Variants in DNAH7 observed in about 807,000 individuals in gnomAD.
The protein encoded by DNAH7 is axonemal beta dynein heavy chain 7.
In DNAH7, 397 loss-of-function variants were observed where a neutral mutation model predicts 444.6. The ratio of observed to expected loss-of-function variants is 0.89; its 90% CI spans 0.82 to 0.97. DNAH7 has a LOEUF of 0.97. Among genes scored for constraint, DNAH7 ranks in the 50% least tolerant of loss-of-function variants. The probability of loss-of-function intolerance (pLI) is 0.00; values close to 1 mark genes in which losing one functional copy is unlikely to be tolerated. For synonymous variants in DNAH7, 1,636 were observed against 1,624.4 expected (o/e 1.01, Z -0.17); for missense variants, 4,902 against 4,800.8 (o/e 1.02, Z -0.62).
intron 2 of DNAH7, among the ~76,000 whole-genome samples, chr2:196,056,195 A>G (rs1397359411): frequency 6.6e-6 from 1 of 152,166 alleles, no homozygotes; most frequent in African/African-American, 2.4e-5. Flanking sequence ...CTGTAATCCC[A>G]GCACTTTGGG....
chr2:195,822,548 T>C (rs73062481), intron 49 of DNAH7, among the ~76,000 whole-genome samples: 4,448 of 152,286 alleles, frequency 0.029, 209 homozygotes, highest in African/African-American at 0.1. Context: ...AGTATTATAA[T>C]TTGTAAATGA....
Position 195,907,013 on chromosome 2 carries a change from T to A in DNAH7, c.4105-4A>T, listed in dbSNP as rs932574410. ...AGGCTCCACAAGATAACAGTCCCTA[T>A]GAGAAAAGAGTAATGAAAATTTTTG... On this transcript the variant is annotated splice_polypyrimidine_tract_variant and splice_region_variant and intron_variant, in intron 25 of 64. Coordinates refer to ENST00000312428, the MANE Select transcript of DNAH7 (RefSeq NM_018897.3). 3 of 1,606,406 alleles carry A rather than the reference T, an allele frequency of 1.9e-6. No homozygotes were observed. The highest frequency in any genetic ancestry group is 2.5e-6 in the Non-Finnish European group (3 of 1,176,958).
chr2:195,739,311 T>C (rs1405734507), intron 64 of DNAH7, among the ~76,000 whole-genome samples: 2 of 152,224 alleles, frequency 1.3e-5, no homozygotes, highest in Non-Finnish European at 2.9e-5. Context: ...TGGCTGTCAG[T>C]TGACCCCTCA....
At chr2:196,041,226 A>G (rs1696738846) in intron 5 of DNAH7, among the ~76,000 whole-genome samples, 1 of 152,050 alleles carries the variant, frequency 6.6e-6, no homozygotes, top group Non-Finnish European at 1.5e-5. Context: ...TGGAACCACA[A>G]AAGACCCCAA....
intron 10 of DNAH7, among the ~76,000 whole-genome samples, chr2:196,009,928 T>C (rs1694626017): frequency 6.6e-6 from 1 of 152,170 alleles, no homozygotes; most frequent in Admixed American, 6.5e-5. Flanking sequence ...TTCCTATTCA[T>C]CACGGAAATG....
At chr2:196,044,178 T>C (rs1696947349) in intron 5 of DNAH7, among the ~76,000 whole-genome samples, 1 of 146,698 alleles carries the variant, frequency 6.8e-6, no homozygotes, top group Admixed American at 6.9e-5. Flanking sequence ...AATGAGTGGA[T>C]AAAAAAATGT....
chr2:196,043,348 T>C (rs1043655779), intron 5 of DNAH7, among the ~76,000 whole-genome samples: 4 of 152,048 alleles, frequency 2.6e-5, no homozygotes, highest in African/African-American at 4.8e-5. Context: ...TAAAGTCACA[T>C]AGGGTTCTCG....
At chr2:195,942,907 G>A (rs1043869021) in intron 19 of DNAH7, among the ~76,000 whole-genome samples, 1 of 152,078 alleles carries the variant, frequency 6.6e-6, no homozygotes, top group Non-Finnish European at 1.5e-5. Flanking sequence ...ATGGTTTGTT[G>A]TCCCCACCCA....
chr2:195,775,986 G>A lies in DNAH7; in HGVS notation c.11065-3C>T. 1 of 1,612,640 alleles carries A rather than the reference G, an allele frequency of 6.2e-7. No individual in the cohort carries two copies. Among genetic ancestry groups the A allele is most frequent in the Non-Finnish European group, 8.5e-7 (1 of 1,179,620 alleles). ...GTGTATTCGATGTAGCTTTTGTGCT[G>A]CAGAGATGAATAACAAGAAGTCAGG... On this transcript the variant is annotated splice_polypyrimidine_tract_variant and splice_region_variant and intron_variant, in intron 59 of 64. Coordinates refer to ENST00000312428, the MANE Select transcript of DNAH7 (RefSeq NM_018897.3).
intron 7 of DNAH7, among the ~76,000 whole-genome samples, chr2:196,025,780 A>G (rs543316255): frequency 6.6e-6 from 1 of 152,238 alleles, no homozygotes; most frequent in East Asian, 1.9e-4. Context: ...TTATTTTTAT[A>G]TCACCAGGAT....
rs1449062918 is a variant in DNAH7, at chr2:195,744,736, G to A, written c.11765-3867C>T. Among the ~76,000 whole-genome samples, 4 of 152,336 alleles carry A rather than the reference G, an allele frequency of 2.6e-5. No individual in the cohort carries two copies. The East Asian group carries it at 7.7e-4, about 29-fold the overall frequency. Reference sequence around the variant, plus strand: ...CTGCAGCCACCGCTGCTGTTACCCAGGCAAACAGGGTCCGGAGTGGACCTC... The same window carrying A: ...CTGCAGCCACCGCTGCTGTTACCCAAGCAAACAGGGTCCGGAGTGGACCTC... On this transcript the variant is annotated intron_variant, in intron 63 of 64. Coordinates refer to ENST00000312428, the MANE Select transcript of DNAH7 (RefSeq NM_018897.3).
At chr2:195,848,467 T>C (rs1173201250) in intron 46 of DNAH7, among the ~76,000 whole-genome samples, 1 of 152,260 alleles carries the variant, frequency 6.6e-6, no homozygotes, top group African/African-American at 2.4e-5. Context: ...CTAATTTTTA[T>C]CACTTGATTA....
intron 40 of DNAH7, among the ~76,000 whole-genome samples, chr2:195,870,197 A>G (rs1400619730): frequency 6.6e-6 from 1 of 152,232 alleles, no homozygotes; most frequent in Non-Finnish European, 1.5e-5. Context: ...CAGCGCATAA[A>G]TATAACTGCT....
chr2:195,925,882 C>T (rs546625750), intron 22 of DNAH7, among the ~76,000 whole-genome samples: 215 of 151,952 alleles, frequency 1.4e-3, no homozygotes, highest in Non-Finnish European at 2.6e-3. Context: ...TTTTCATTAA[C>T]AATTACAATC....
intron 17 of DNAH7, among the ~76,000 whole-genome samples, chr2:195,961,359 T>A (rs1485911132): frequency 6.6e-6 from 1 of 150,710 alleles, no homozygotes; most frequent in Non-Finnish European, 1.5e-5. Flanking sequence ...CTAACTGAAA[T>A]TTTTTATCCT....
chr2:195,859,003 G>A (rs1209128063), intron 42 of DNAH7, among the ~76,000 whole-genome samples, 199 bp from the exon 43 acceptor site: 2 of 152,134 alleles, frequency 1.3e-5, no homozygotes, highest in African/African-American at 2.4e-5. Context: ...AGCAGACAGC[G>A]TGTTTTATTC....
intron 47 of DNAH7, among the ~76,000 whole-genome samples, chr2:195,844,112 C>A (rs1004000082): frequency 6.9e-6 from 1 of 144,462 alleles, no homozygotes; most frequent in South Asian, 2.3e-4. Context: ...AAACAAAAAA[C>A]CCAAAAACCA....
chr2:195,866,394 ACTTC>A (rs1700344972), intron 40 of DNAH7, among the ~76,000 whole-genome samples: 1 of 151,994 alleles, frequency 6.6e-6, no homozygotes, highest in Non-Finnish European at 1.5e-5. Flanking sequence ...TATTATTTAA[ACTTC>A]CTTCTTATTC....
chr2:195,844,918 T>G (rs1036939581), intron 47 of DNAH7, 84 bp downstream of exon 47: 33 of 1,247,954 alleles, frequency 2.6e-5, no homozygotes, highest in Non-Finnish European at 3.5e-5. Flanking sequence ...CTGTAAAAGT[T>G]TGCTACCTAA....
Sources: gnomAD v4.1 joint callset for allele counts (sites outside exome capture counted in the v4.1 genomes callset) on GRCh38, gnomAD v4.1.1 for gene constraint, MANE v1.5 for transcripts, NCBI Gene and HGNC (gene_info 2026-07-23, HGNC 2026-07-21) for gene names.